The following CSMD1 variants were observed in gnomAD, a reference collection of about 807,000 sequenced individuals.
CSMD1 encodes the protein CUB and sushi domain-containing protein 1.
Under a neutral mutation model 417.5 loss-of-function variants are expected in CSMD1, and 213 were observed. The observed-to-expected ratio is 0.51, with a 90% CI of 0.46 to 0.57. The LOEUF (loss-of-function observed/expected upper bound fraction) is 0.57. CSMD1 is among the 20% of genes least tolerant of loss of function. The pLI, the probability that CSMD1 is intolerant of heterozygous loss-of-function variation, is 0.00. For missense variants in CSMD1, 6,923 were observed against 4,529.7 expected, an observed-to-expected ratio of 1.53 and a Z score of -15.17; for synonymous variants, 2,862 against 1,736.8, an observed-to-expected ratio of 1.65 and a Z score of -16.11.
chr8:4,734,432 G>T (rs556104013), intron 1 of CSMD1, among the ~76,000 whole-genome samples: 1 of 152,014 alleles, frequency 6.6e-6, no homozygotes, highest in Non-Finnish European at 1.5e-5. Flanking sequence ...AAAAAAAGGT[G>T]AAAAGTTGAA....
At chr8:4,945,512 G>C (rs1808306392) in intron 1 of CSMD1, among the ~76,000 whole-genome samples, 1 of 143,690 alleles carries the variant, frequency 7.0e-6, no homozygotes, top group South Asian at 2.4e-4. Flanking sequence ...AAAATAAAAA[G>C]AGGAAGGACA....
At chr8:3,626,135 T>G (rs779116504) in intron 7 of CSMD1, among the ~76,000 whole-genome samples, 49 of 152,294 alleles carry the variant, frequency 3.2e-4, no homozygotes, top group Non-Finnish European at 6.9e-4. Flanking sequence ...TTCACCGGAA[T>G]GTATATTGGC....
At position 2,973,198 on chromosome 8, in the gene CSMD1, T is replaced by C; in HGVS notation, c.8842A>G (p.Met2948Val). 3 of 1,613,832 alleles carry C rather than the reference T, an allele frequency of 1.9e-6. No individual in the cohort carries two copies. Among genetic ancestry groups the C allele is most frequent in the Non-Finnish European group, 2.5e-6 (3 of 1,179,802 alleles). ...GGGGAGCCCCTCAGCTGGTGCCCCA[T>C]TTCACAGGAGAAGCGGAGAAGACTC... ...TKSLLRFSCE[M>V]GHQLRGSPER... Residue 2948 changes from methionine to valine, a missense_variant, in exon 57 of 70, where the codon ATG becomes GTG. By Grantham distance (21) the Met-to-Val change is conservative. Transcript: ENST00000635120.
intron 20 of CSMD1, among the ~76,000 whole-genome samples, chr8:3,362,372 C>T (rs182922282): frequency 1.3e-5 from 2 of 152,298 alleles, no homozygotes; most frequent in Admixed American, 1.3e-4. Flanking sequence ...ACTGTGACCT[C>T]CGGATGCAAA....
chr8:3,631,860 T>C (rs1247235819), intron 7 of CSMD1, among the ~76,000 whole-genome samples: 1 of 151,912 alleles, frequency 6.6e-6, no homozygotes, highest in South Asian at 2.1e-4. Flanking sequence ...AAACGTGAAT[T>C]CCCCCCTGGT....
At chr8:4,931,573 G>GA (rs34886559) in intron 1 of CSMD1, among the ~76,000 whole-genome samples, 3 of 151,918 alleles carry the variant, frequency 2.0e-5, no homozygotes, top group Non-Finnish European at 4.4e-5. Flanking sequence ...CTGATTTCAA[G>GA]AAAAAAGTCT....
chr8:4,306,385 G>C (rs1167816159), intron 3 of CSMD1, among the ~76,000 whole-genome samples: 2 of 111,534 alleles, frequency 1.8e-5, no homozygotes, highest in South Asian at 3.3e-4. Context: ...GATAATGCTG[G>C]ATTAAAAAAC....
intron 2 of CSMD1, among the ~76,000 whole-genome samples, chr8:4,446,947 A>AC (rs1188282784): frequency 1.3e-5 from 2 of 151,626 alleles, no homozygotes; most frequent in Non-Finnish European, 2.9e-5. Flanking sequence ...AAAAAAAAAA[A>AC]AAACATTGGC....
chr8:3,553,906 G>C (rs1453862980), intron 10 of CSMD1, among the ~76,000 whole-genome samples: 5 of 152,094 alleles, frequency 3.3e-5, no homozygotes, highest in Admixed American at 2.6e-4. Context: ...TATTTAAATG[G>C]TCATGTAAAG....
intron 1 of CSMD1, among the ~76,000 whole-genome samples, chr8:4,769,958 C>T (rs1348311463): frequency 6.6e-6 from 1 of 152,058 alleles, no homozygotes; most frequent in Non-Finnish European, 1.5e-5. Flanking sequence ...GTTATTTACT[C>T]TCAAAAGCAA....
At chr8:4,229,376 C>A (rs1353444924) in intron 3 of CSMD1, among the ~76,000 whole-genome samples, 1 of 152,182 alleles carries the variant, frequency 6.6e-6, no homozygotes, top group Non-Finnish European at 1.5e-5. Context: ...AACAAAGCAG[C>A]CCTAAGATTC....
At chr8:4,131,558 A>G (rs894445253) in intron 3 of CSMD1, among the ~76,000 whole-genome samples, 3 of 152,058 alleles carry the variant, frequency 2.0e-5, no homozygotes, top group Non-Finnish European at 4.4e-5. Flanking sequence ...TGTAGAAAAT[A>G]TTTTTCTCAT....
At chr8:3,541,210 T>A (rs1271904249) in intron 10 of CSMD1, among the ~76,000 whole-genome samples, 1 of 152,130 alleles carries the variant, frequency 6.6e-6, no homozygotes, top group Admixed American at 6.5e-5. Context: ...TAAGAAGGAA[T>A]GAGATCACGT....
intron 3 of CSMD1, among the ~76,000 whole-genome samples, chr8:4,172,992 C>A (rs749965100): frequency 1.2e-4 from 18 of 152,130 alleles, no homozygotes; most frequent in Non-Finnish European, 2.1e-4. Context: ...TCCTGACCCA[C>A]AGAAACCTTG....
intron 5 of CSMD1, among the ~76,000 whole-genome samples, chr8:3,872,943 T>C (rs995883070): frequency 6.6e-6 from 1 of 151,062 alleles, no homozygotes. Context: ...CCAACAATCA[T>C]ATGAAAAAAA....
At chr8:3,166,151 A>G (rs915294222) in intron 37 of CSMD1, among the ~76,000 whole-genome samples, 1 of 152,174 alleles carries the variant, frequency 6.6e-6, no homozygotes, top group South Asian at 2.1e-4. Context: ...TGTATACATA[A>G]TTCTCTTTTT....
chr8:3,773,758 C>T (rs190286600), intron 5 of CSMD1, among the ~76,000 whole-genome samples: 1 of 152,206 alleles, frequency 6.6e-6, no homozygotes, highest in East Asian at 1.9e-4. Context: ...TGACACTAAC[C>T]CAGAATAAAT....
chr8:3,326,335 A>T (rs1183755054), intron 23 of CSMD1, among the ~76,000 whole-genome samples: 1 of 152,222 alleles, frequency 6.6e-6, no homozygotes, highest in Non-Finnish European at 1.5e-5. Context: ...GTCTTTTCTT[A>T]CAATGGTCAT....
chr8:4,606,617 C>T (rs1040840727), intron 2 of CSMD1, among the ~76,000 whole-genome samples: 2 of 152,166 alleles, frequency 1.3e-5, no homozygotes, highest in Admixed American at 6.5e-5. Flanking sequence ...ATTAGCAAAA[C>T]GGAGACAAAT....
Sources: gnomAD v4.1 joint callset for allele counts (sites outside exome capture counted in the v4.1 genomes callset) on GRCh38, gnomAD v4.1.1 for gene constraint, MANE v1.5 for transcripts, NCBI Gene and HGNC (gene_info 2026-07-23, HGNC 2026-07-21) for gene names.